TMTC2: variants seen among roughly 807,000 people sequenced by gnomAD.
TMTC2 encodes transmembrane O-mannosyltransferase targeting cadherins 2.
Under a neutral mutation model 82.4 loss-of-function variants are expected in TMTC2, and 43 were observed. The observed-to-expected ratio is 0.52, with a 90% CI of 0.41 to 0.67. The LOEUF is 0.67. Ranked by LOEUF, TMTC2 falls within the 30% of genes least tolerant of loss-of-function variation. TMTC2 has a pLI of 0.00. For missense variants in TMTC2, 919 were observed against 1,012.4 expected (o/e 0.91, Z 1.25); for synonymous variants, 408 against 381.9 (o/e 1.07, Z -0.80).
At chr12:82,720,899 G>A (rs1211740781) in intron 1 of TMTC2, among the ~76,000 whole-genome samples, 2 of 152,168 alleles carry the variant, frequency 1.3e-5, no homozygotes, top group Non-Finnish European at 1.5e-5. Flanking sequence ...AATTCCCAAT[G>A]GCCTGGTTGA....
At chr12:82,791,593 A>G (rs985232049) in intron 1 of TMTC2, among the ~76,000 whole-genome samples, 5 of 152,158 alleles carry the variant, frequency 3.3e-5, no homozygotes, top group African/African-American at 9.6e-5. Flanking sequence ...ATATAGTGTT[A>G]TATATGTTCA....
At chr12:82,842,511 C>T (rs962141435) in intron 1 of TMTC2, among the ~76,000 whole-genome samples, 12 of 152,108 alleles carry the variant, frequency 7.9e-5, no homozygotes, top group African/African-American at 1.2e-4. Context: ...ATGGCTTGTA[C>T]GTGAAATGTA....
At chr12:82,722,648 A>G (rs1363040480) in intron 1 of TMTC2, among the ~76,000 whole-genome samples, 3 of 151,842 alleles carry the variant, frequency 2.0e-5, no homozygotes, top group African/African-American at 4.8e-5. Context: ...AGGCTGAGAA[A>G]GGAGAATCAC....
intron 7 of TMTC2, among the ~76,000 whole-genome samples, chr12:82,973,448 G>A (rs933604221): frequency 1.3e-5 from 2 of 152,106 alleles, no homozygotes; most frequent in Admixed American, 1.3e-4. Flanking sequence ...TGAAGATTAT[G>A]TAGTCAATAA....
chr12:82,729,747 C>T (rs1874669655), intron 1 of TMTC2, among the ~76,000 whole-genome samples: 1 of 152,190 alleles, frequency 6.6e-6, no homozygotes, highest in Non-Finnish European at 1.5e-5. Context: ...GCAGTGGCAA[C>T]CCGCAGGGGC....
chr12:82,844,612 T>C (rs989168741), intron 1 of TMTC2, among the ~76,000 whole-genome samples: 4 of 151,700 alleles, frequency 2.6e-5, no homozygotes, highest in Admixed American at 1.3e-4. Flanking sequence ...CCATCCTGGC[T>C]AACACAGAGG....
At chr12:82,735,794 G>A (rs1274586492) in intron 1 of TMTC2, among the ~76,000 whole-genome samples, 3 of 151,832 alleles carry the variant, frequency 2.0e-5, no homozygotes, top group Admixed American at 6.6e-5. Context: ...GTGAAACCCC[G>A]TCTCTATTAA....
intron 1 of TMTC2, among the ~76,000 whole-genome samples, chr12:82,752,146 CCTTTT>C (rs1236307087): frequency 1.3e-4 from 2 of 15,380 alleles, no homozygotes; most frequent in African/African-American, 1.4e-4. Flanking sequence ...ATTGGAAGCT[CCTTTT>C]TTTTTTTTTT....
At chr12:82,876,402 G>C (rs1565789179) in intron 2 of TMTC2, among the ~76,000 whole-genome samples, 5 of 152,248 alleles carry the variant, frequency 3.3e-5, no homozygotes, top group Admixed American at 2.6e-4. Context: ...AGAGATAATA[G>C]AAAGTTTAAT....
chr12:83,090,913 T>C (rs1052493598), intron 11 of TMTC2, among the ~76,000 whole-genome samples: 2 of 152,226 alleles, frequency 1.3e-5, no homozygotes, highest in African/African-American at 4.8e-5. Flanking sequence ...TAACATACTG[T>C]GACTGTCAAT....
At chr12:83,045,177 T>C (rs1882041565) in intron 9 of TMTC2, among the ~76,000 whole-genome samples, 1 of 152,240 alleles carries the variant, frequency 6.6e-6, no homozygotes, top group South Asian at 2.1e-4. Flanking sequence ...TGAGGAGATT[T>C]TATGCTCTTT....
chr12:83,029,611 G>T lies in TMTC2; in HGVS notation c.2071-1187G>T, dbSNP rs551222679. ...TCATTTGTCTTTACCATGGTCTGTG[G>T]CTTTGGACACCACCCAGTGCCTTAC... On this transcript the variant is annotated intron_variant, in intron 8 of 11. Coordinates refer to ENST00000321196, the MANE Select transcript of TMTC2 (RefSeq NM_152588.3). 4.6e-5 allele frequency among the ~76,000 whole-genome samples: 7 copies of T among 152,220 alleles called. No homozygotes were observed. The East Asian group carries it at 1.4e-3, about 29-fold the overall frequency.
chr12:82,924,467 C>A (rs1237800419), intron 3 of TMTC2, among the ~76,000 whole-genome samples: 1 of 152,060 alleles, frequency 6.6e-6, no homozygotes, highest in Non-Finnish European at 1.5e-5. Flanking sequence ...CTCAGAGTAA[C>A]CTTGTCTGAA....
chr12:82,927,795 G>A (rs188454481), intron 3 of TMTC2, among the ~76,000 whole-genome samples: 1 of 152,278 alleles, frequency 6.6e-6, no homozygotes, highest in East Asian at 1.9e-4. Context: ...CTCACCAAGG[G>A]CTCAGATGAT....
At chr12:82,948,365 A>T (rs1418605567) in intron 4 of TMTC2, among the ~76,000 whole-genome samples, 1 of 35,016 alleles carries the variant, frequency 2.9e-5, no homozygotes, top group Admixed American at 3.9e-4. Flanking sequence ...ACCCTACCTT[A>T]ATTTAAACAA....
chr12:82,845,017 C>G (rs1870561479), intron 1 of TMTC2, among the ~76,000 whole-genome samples: 2 of 150,622 alleles, frequency 1.3e-5, no homozygotes, highest in Non-Finnish European at 1.5e-5. Context: ...CACTTGAGGT[C>G]AGGAGTTCAA....
intron 11 of TMTC2, among the ~76,000 whole-genome samples, chr12:83,115,459 T>A (rs989268964): frequency 6.6e-6 from 1 of 152,186 alleles, no homozygotes; most frequent in African/African-American, 2.4e-5. Context: ...CTACTTATTT[T>A]TATCCTTTTT....
At chr12:82,691,088 G>A (rs1467295831) in intron 1 of TMTC2, among the ~76,000 whole-genome samples, 1 of 152,148 alleles carries the variant, frequency 6.6e-6, no homozygotes, top group Non-Finnish European at 1.5e-5. Context: ...TCTAATTGGT[G>A]ACATGCCCTT....
At chr12:82,746,234 A>G (rs1875684228) in intron 1 of TMTC2, among the ~76,000 whole-genome samples, 1 of 152,160 alleles carries the variant, frequency 6.6e-6, no homozygotes, top group South Asian at 2.1e-4. Context: ...TCAGCTTTTG[A>G]TTTGCCTCTG....
Sources: allele counts gnomAD v4.1 joint callset (sites outside exome capture counted in the v4.1 genomes callset), GRCh38; gene constraint gnomAD v4.1.1; transcripts MANE v1.5; gene names NCBI Gene and HGNC (gene_info 2026-07-23, HGNC 2026-07-21).